The following VOPP1 variants were observed in gnomAD, a reference collection of about 807,000 sequenced individuals.
The protein encoded by VOPP1 is VOPP1 WW domain binding protein.
Under a neutral mutation model 23.5 loss-of-function variants are expected in VOPP1, and 8 were observed. The observed-to-expected ratio is 0.34, with a 90% CI of 0.20 to 0.61. VOPP1 has a LOEUF of 0.61. Among genes scored for constraint, VOPP1 ranks in the 20% least tolerant of loss-of-function variants. VOPP1 has a pLI of 0.78. For missense variants in VOPP1, 174 were observed against 238.1 expected (o/e 0.73, Z 1.77); for synonymous variants, 83 against 97.3 (o/e 0.85, Z 0.86).
At chr7:55,477,148 A>T (rs1049931952) in intron 4 of VOPP1, among the ~76,000 whole-genome samples, 7 of 152,126 alleles carry the variant, frequency 4.6e-5, no homozygotes, top group African/African-American at 1.4e-4. Context: ...GCTGCCTGTC[A>T]CTGCCTTCCC....
At chr7:55,511,240 T>A (rs1795052015) in intron 2 of VOPP1, among the ~76,000 whole-genome samples, 1 of 152,170 alleles carries the variant, frequency 6.6e-6, no homozygotes, top group Admixed American at 6.5e-5. Flanking sequence ...AAACAGGTGC[T>A]CCCAGGCAAT....
At chr7:55,569,655 GTGCC>G (rs1359436741) in intron 1 of VOPP1, among the ~76,000 whole-genome samples, 1 of 152,188 alleles carries the variant, frequency 6.6e-6, no homozygotes, top group Non-Finnish European at 1.5e-5. Flanking sequence ...TTATAGAACA[GTGCC>G]TGGCAGTTAC....
chr7:55,516,060 C>A, intron 2 of VOPP1: 4 of 982,348 alleles, frequency 4.1e-6, no homozygotes, highest in Non-Finnish European at 4.8e-6. Flanking sequence ...GAATGCAAGC[C>A]AAGGGGCGGG....
intron 1 of VOPP1, among the ~76,000 whole-genome samples, chr7:55,534,572 ATTCTCT>A (rs1562603946): frequency 6.6e-6 from 1 of 152,112 alleles, no homozygotes; most frequent in Non-Finnish European, 1.5e-5. Context: ...TTCTGACTCA[ATTCTCT>A]CTGGGCCCAG....
At chr7:55,541,229 C>A (rs747986322) in intron 1 of VOPP1, among the ~76,000 whole-genome samples, 2 of 152,138 alleles carry the variant, frequency 1.3e-5, no homozygotes, top group Non-Finnish European at 2.9e-5. Context: ...CAGAATTGTA[C>A]ACTTTAAGTG....
At chr7:55,533,199 G>A (rs1796593707) in intron 1 of VOPP1, among the ~76,000 whole-genome samples, 1 of 152,158 alleles carries the variant, frequency 6.6e-6, no homozygotes, top group Non-Finnish European at 1.5e-5. Context: ...CCTCCTAAAA[G>A]CTGGTTCAGT....
intron 1 of VOPP1, among the ~76,000 whole-genome samples, chr7:55,550,300 G>A (rs116615052): frequency 2.2e-4 from 34 of 152,332 alleles, no homozygotes; most frequent in African/African-American, 7.9e-4. Context: ...AACACAGATT[G>A]TAAACAAACG....
In VOPP1 at chr7:55,473,064, T is replaced by G; in HGVS notation, c.329-19A>C. On this transcript the variant is annotated intron_variant, in intron 4 of 4. Coordinates refer to ENST00000285279, the MANE Select transcript of VOPP1 (RefSeq NM_030796.5). Reference sequence around the variant, plus strand: ...TGGGCTCCTGAAAGACAGACAAACATAGGTGAGCACAGAAGGGAAAGCCCC... The same window carrying G: ...TGGGCTCCTGAAAGACAGACAAACAGAGGTGAGCACAGAAGGGAAAGCCCC... 1 of 1,591,690 alleles carries G rather than the reference T, an allele frequency of 6.3e-7. No individual in the cohort carries two copies. The highest frequency in any genetic ancestry group is 8.5e-7 in the Non-Finnish European group (1 of 1,171,318).
At chr7:55,459,048 T>C (rs956159635) in intron 4 of VOPP1, among the ~76,000 whole-genome samples, 10 of 150,700 alleles carry the variant, frequency 6.6e-5, no homozygotes, top group African/African-American at 2.2e-4. Context: ...TGAGGTATGT[T>C]CCTTGTATGT....
intron 3 of VOPP1, among the ~76,000 whole-genome samples, chr7:55,496,299 G>A (rs547238614): frequency 2.9e-5 from 1 of 34,254 alleles, no homozygotes; most frequent in East Asian, 9.1e-4. Context: ...AAGGTCCCAG[G>A]AGGAGGCTCC....
chr7:55,476,292 G>A (rs529410999), intron 4 of VOPP1, among the ~76,000 whole-genome samples: 6 of 152,274 alleles, frequency 3.9e-5, no homozygotes, highest in East Asian at 3.9e-4. Flanking sequence ...GGGAGGACAC[G>A]CTGTGATGTT....
intron 4 of VOPP1, among the ~76,000 whole-genome samples, chr7:55,491,831 A>G (rs1793590637): frequency 6.6e-6 from 1 of 152,260 alleles, no homozygotes; most frequent in Non-Finnish European, 1.5e-5. Flanking sequence ...TGTTGAATGC[A>G]TGAATAAAAG....
In VOPP1 at chr7:55,564,902, TA is replaced by T. The variant is rs567392102; in HGVS notation, c.54+7368del. On this transcript the variant is annotated intron_variant, in intron 1 of 4. Coordinates refer to ENST00000285279, the MANE Select transcript of VOPP1 (RefSeq NM_030796.5). Reference sequence around the variant, plus strand: ...CAACTCCGAAGGAGTTGAGATTCTGTAATACATGGTCATGGCACCATCCAAA... The same window carrying T: ...CAACTCCGAAGGAGTTGAGATTCTGTATACATGGTCATGGCACCATCCAAA... Among the ~76,000 whole-genome samples, 650 of 152,296 alleles carry T rather than the reference TA, an allele frequency of 4.3e-3. 2 individuals are homozygous for T. Among genetic ancestry groups the T allele is most frequent in the Middle Eastern group, 0.01 (3 of 294 alleles).
At chr7:55,487,575 A>G (rs564994714) in intron 4 of VOPP1, among the ~76,000 whole-genome samples, 3 of 152,260 alleles carry the variant, frequency 2.0e-5, no homozygotes, top group African/African-American at 7.2e-5. Flanking sequence ...CTCTCACTTC[A>G]GCATTCTGAC....
chr7:55,557,079 C>T (rs1024482994), intron 1 of VOPP1, among the ~76,000 whole-genome samples: 10 of 152,148 alleles, frequency 6.6e-5, no homozygotes, highest in Admixed American at 2.6e-4. Flanking sequence ...TCCATTTCTT[C>T]GGAGTTGGTG....
intron 2 of VOPP1, among the ~76,000 whole-genome samples, chr7:55,518,581 A>T (rs1303468557): frequency 6.6e-6 from 1 of 152,220 alleles, no homozygotes; most frequent in East Asian, 1.9e-4. Flanking sequence ...AGAGGCTGAG[A>T]GAACTGGGGA....
At chr7:55,483,235 C>A (rs1344843927) in intron 4 of VOPP1, among the ~76,000 whole-genome samples, 2 of 152,178 alleles carry the variant, frequency 1.3e-5, no homozygotes, top group African/African-American at 2.4e-5. Flanking sequence ...GAAATACAGA[C>A]CCTGACTCAG....
In VOPP1 at chr7:55,497,710, C is replaced by T; in HGVS notation, c.114-20G>A. ...CGGCATCTGTGGAGAGAGGCACAGG[C>T]TGGTCAGCACTGAATTGGAAGCAGC... On this transcript the variant is annotated intron_variant, in intron 2 of 4. Transcript: ENST00000285279. 1 of 1,612,146 alleles carries T rather than the reference C, an allele frequency of 6.2e-7. No individual in the cohort carries two copies.
chr7:55,464,141 G>A (rs1245090980), intron 4 of VOPP1, among the ~76,000 whole-genome samples: 2 of 152,104 alleles, frequency 1.3e-5, no homozygotes, highest in South Asian at 4.1e-4. Context: ...AGCAGCAGTG[G>A]CAGAGTAGGG....
Sources: gnomAD v4.1 joint callset for allele counts (sites outside exome capture counted in the v4.1 genomes callset) on GRCh38, gnomAD v4.1.1 for gene constraint, MANE v1.5 for transcripts, NCBI Gene and HGNC (gene_info 2026-07-23, HGNC 2026-07-21) for gene names.